VPS25: variants seen among roughly 807,000 people sequenced by gnomAD.
The protein encoded by VPS25 is vacuolar protein-sorting-associated protein 25.
In VPS25, 21 loss-of-function variants were observed where a neutral mutation model predicts 30.3. The ratio of observed to expected loss-of-function variants is 0.69; its 90% confidence interval spans 0.49 to 1.00. The LOEUF (loss-of-function observed/expected upper bound fraction) is 1.00. Ranked by LOEUF, VPS25 falls within the 50% of genes least tolerant of loss-of-function variation. VPS25 has a pLI of 0.00. For synonymous variants in VPS25, 101 were observed against 88.1 expected, an observed-to-expected ratio of 1.15 and a Z score of -0.82; for missense variants, 156 against 217.2, an observed-to-expected ratio of 0.72 and a Z score of 1.77.
chr17:42,776,908 A>T (rs964327918), intron 5 of VPS25, among the ~76,000 whole-genome samples: 2 of 152,212 alleles, frequency 1.3e-5, no homozygotes, highest in Non-Finnish European at 2.9e-5. Flanking sequence ...GGCATCTATG[A>T]CCCATGAAAA....
chr17:42,776,154 C>A (rs2054434185), intron 4 of VPS25, 91 bp from the exon 5 acceptor site: 1 of 1,139,690 alleles, frequency 8.8e-7, no homozygotes, highest in Non-Finnish European at 1.3e-6. Flanking sequence ...GAATAGGTAT[C>A]ATTCCTGGAT....
At chr17:42,775,140 C>T in intron 3 of VPS25, 1 of 466,968 alleles carries the variant, frequency 2.1e-6, no homozygotes, top group South Asian at 2.9e-5. Flanking sequence ...GACTCCCAGG[C>T]TCAAGTGATC....
intron 5 of VPS25, among the ~76,000 whole-genome samples, chr17:42,778,720 G>A (rs2054449747): frequency 6.6e-6 from 1 of 152,212 alleles, no homozygotes; most frequent in African/African-American, 2.4e-5. Context: ...GGGAGGCTGA[G>A]TCTGAGAGGA....
intron 2 of VPS25, 172 bp downstream of exon 2, chr17:42,774,050 G>T: frequency 4.1e-6 from 3 of 733,496 alleles, no homozygotes; most frequent in East Asian, 2.8e-5. Flanking sequence ...GGCAAATGCA[G>T]TACCATACCC....
rs1289825600 is a variant in VPS25, at chr17:42,773,875, C to T, written c.196C>T (p.Gln66Ter). Reference sequence around the variant, plus strand: ...CCCGCTCTTCAACAACGTCAAGCTACAGCGTATCCTCCCTCAGGCTCTTCC... The same window carrying T: ...CCCGCTCTTCAACAACGTCAAGCTATAGCGTATCCTCCCTCAGGCTCTTCC... ...ESPLFNNVKL[Q>*]RKLPVESIQI... Residue 66 changes from glutamine to a stop codon, truncating the protein, a stop_gained, in exon 2 of 6, where the codon CAG becomes TAG. Transcript: ENST00000253794. LOFTEE classifies it high-confidence loss of function. 6.2e-7 allele frequency: 1 copy of T among 1,612,838 alleles called. No individual in the cohort carries two copies. The highest frequency in any genetic ancestry group is 8.5e-7 in the Non-Finnish European group (1 of 1,179,924).
intron 2 of VPS25, chr17:42,774,182 C>A: frequency 6.7e-6 from 2 of 298,992 alleles, no homozygotes; most frequent in Admixed American, 4.8e-5. Context: ...CCATCCTTTT[C>A]TGTGTGAGGC....
In VPS25 at chr17:42,778,964, C is replaced by T. The variant is rs571508992; in HGVS notation, c.426C>T (p.His142=). ...NGEDTEDEEF[H]GLDEATLLRA... ...CTATCTCTCCCTGTTCAGAGTTCCA[C>T]GGGCTGGATGAAGCCACTCTACTGC... Residue 142 remains histidine, a synonymous_variant, in exon 6 of 6, where the codon CAC becomes CAT. Transcript: ENST00000253794. The T allele has an allele frequency of 4.2e-5, 68 of 1,613,936 alleles. No individual in the cohort carries two copies. The East Asian group carries it at 8.9e-4, about 21-fold the overall frequency.
intron 5 of VPS25, among the ~76,000 whole-genome samples, chr17:42,777,115 A>G (rs2054440642): frequency 6.6e-6 from 1 of 152,084 alleles, no homozygotes; most frequent in Non-Finnish European, 1.5e-5. Context: ...GTTACTCAGA[A>G]GGCTTAGGTG....
At position 42,774,103 on chromosome 17, in the gene VPS25, C is replaced by T. The variant is rs866577982; in HGVS notation, c.199+225C>T. ...ATGACTGCTCGGATGTCATTAAGGT[C>T]TTAGAATTTCTGCCCTGAAGCCAAG... is the stretch of plus-strand genomic sequence containing the variant. On this transcript the variant is annotated intron_variant, in intron 2 of 5. Coordinates refer to ENST00000253794, the MANE Select transcript of VPS25 (RefSeq NM_032353.4). The T allele has an allele frequency of 3.0e-4, 143 of 470,176 alleles. No homozygotes were observed. The Middle Eastern group carries it at 5.0e-3, about 17-fold the overall frequency. 29.1% of individuals were successfully genotyped at this position (470,176 alleles called of 1,614,324 possible).
chr17:42,773,556 C>T (rs762446455), intron 1 of VPS25, 28 bp downstream of exon 1: 1 of 1,614,200 alleles, frequency 6.2e-7, no homozygotes, highest in South Asian at 1.1e-5. Flanking sequence ...AGAAGCACCG[C>T]TGTGCCTCCC....
At chr17:42,775,326 C>A in intron 3 of VPS25, 55 bp from the exon 4 acceptor site, 1 of 1,479,000 alleles carries the variant, frequency 6.8e-7, no homozygotes, top group Non-Finnish European at 9.4e-7. Context: ...CTTGGCCTCC[C>A]AAAGTGTAAG....
chr17:42,778,985 A>T lies in VPS25; in HGVS notation c.447A>T (p.Leu149=). 1 of 1,614,074 alleles carries T rather than the reference A, an allele frequency of 6.2e-7. No homozygotes were observed. Among genetic ancestry groups the T allele is most frequent in the Non-Finnish European group, 8.5e-7 (1 of 1,179,956 alleles). ...TCCACGGGCTGGATGAAGCCACTCT[A>T]CTGCGGGCTCTGCAGGCCCTACAGC... is the stretch of plus-strand genomic sequence containing the variant. ...EEFHGLDEAT[L]LRALQALQQE... The change falls in exon 6 of 6, where the codon CTA becomes CTT. Residue 149 remains leucine (L), a synonymous_variant. Coordinates refer to ENST00000253794, the MANE Select transcript of VPS25 (RefSeq NM_032353.4).
Position 42,773,891 on chromosome 17 carries a change from A to AG in VPS25, c.199+15dup. 6.2e-7 allele frequency: 1 copy of AG among 1,610,186 alleles called. No individual in the cohort carries two copies. The highest frequency in any genetic ancestry group is 8.5e-7 in the Non-Finnish European group (1 of 1,179,380). On this transcript the variant is annotated intron_variant, in intron 2 of 5. Transcript: ENST00000253794. ...GTCAAGCTACAGCGTATCCTCCCTC[A>AG]GGCTCTTCCACAGCCCATACACATG...
intron 5 of VPS25, among the ~76,000 whole-genome samples, chr17:42,777,439 C>T (rs1484032622): frequency 2.0e-5 from 3 of 152,088 alleles, no homozygotes; most frequent in Non-Finnish European, 4.4e-5. Context: ...CGCTTGAACC[C>T]GAAGGCAGAG....
chr17:42,775,155 C>A, intron 3 of VPS25: 1 of 484,678 alleles, frequency 2.1e-6, no homozygotes, highest in South Asian at 2.8e-5. Context: ...GTGATCCTCC[C>A]ATCTCAGCCT....
At position 42,774,161 on chromosome 17, in the gene VPS25, A is replaced by G. The variant is rs563556953; in HGVS notation, c.199+283A>G. On this transcript the variant is annotated intron_variant, in intron 2 of 5. Transcript: ENST00000253794. ...TTTTTTAACCTAAACCCTTTTGACT[A>G]TTTGTATCTTCCATCCTTTTCTGTG... The G allele has an allele frequency of 1.5e-5, 5 of 337,508 alleles. No homozygotes were observed. In the South Asian group the frequency reaches 2.1e-4, roughly 14 times the overall value. 20.9% of individuals were successfully genotyped at this position (337,508 alleles called of 1,614,324 possible). A position where few individuals can be genotyped will look rare whatever the true frequency, so the allele number is the denominator to read the frequency against.
At position 42,776,663 on chromosome 17, in the gene VPS25, G is replaced by GTT. The variant is rs1205721262; in HGVS notation, c.418+361_418+362dup. Reference sequence around the variant, plus strand: ...AGGCGTGAGCCACTGTGCCCCGCCTGTTTTTTTTTTTTTTTTTTTGAGACA... The same window carrying GTT: ...AGGCGTGAGCCACTGTGCCCCGCCTGTTTTTTTTTTTTTTTTTTTTTGAGACA... On this transcript the variant is annotated intron_variant, in intron 5 of 5. Transcript: ENST00000253794. 9.9e-4 allele frequency among the ~76,000 whole-genome samples: 120 copies of GTT among 120,932 alleles called. 1 individual carries two copies. Among genetic ancestry groups the GTT allele is most frequent in the African/African-American group, 2.3e-3 (74 of 31,538 alleles). 79.3% of individuals were successfully genotyped at this position (120,932 alleles called of 152,430 possible).
rs759838139 is a variant in VPS25, at chr17:42,773,979, AG to A, written c.199+103del. Reference sequence around the variant, plus strand: ...GCGCCAGCCCCCTTTTACCCATGGTAGGCAGATTCCCACCCAAACTGGACTT... The same window carrying A: ...GCGCCAGCCCCCTTTTACCCATGGTAGCAGATTCCCACCCAAACTGGACTT... On this transcript the variant is annotated intron_variant, in intron 2 of 5. Coordinates refer to ENST00000253794, the MANE Select transcript of VPS25 (RefSeq NM_032353.4). The A allele has an allele frequency of 8.3e-5, 116 of 1,405,956 alleles. No homozygotes were observed. The Admixed American group carries it at 1.8e-3, about 22-fold the overall frequency. 87.1% of individuals were successfully genotyped at this position (1,405,956 alleles called of 1,614,324 possible).
At chr17:42,775,132 C>A in intron 3 of VPS25, 2 of 460,934 alleles carry the variant, frequency 4.3e-6, no homozygotes, top group South Asian at 5.9e-5. Flanking sequence ...GCAGCCTCGA[C>A]TCCCAGGCTC....
Sources: allele counts gnomAD v4.1 joint callset (sites outside exome capture counted in the v4.1 genomes callset), GRCh38; gene constraint gnomAD v4.1.1; transcripts MANE v1.5; gene names NCBI Gene and HGNC (gene_info 2026-07-23, HGNC 2026-07-21).